Variants in USP34 observed in about 807,000 individuals in gnomAD.
USP34 encodes the protein ubiquitin specific peptidase 34.
A neutral mutation model predicts 460.3 loss-of-function variants in USP34; 70 were observed. The ratio of observed to expected loss-of-function variants is 0.15; its 90% CI spans 0.13 to 0.19. USP34 has a LOEUF of 0.19. Among genes scored for constraint, USP34 ranks in the 10% least tolerant of loss-of-function variants. The probability of loss-of-function intolerance (pLI) is 1.00; values close to 1 mark genes in which losing one functional copy is unlikely to be tolerated. For missense variants in USP34, 3,985 were observed against 4,236.2 expected (o/e 0.94, Z 1.65); for synonymous variants, 1,647 against 1,405.3 (o/e 1.17, Z -3.85).
At chr2:61,461,841 G>C (rs1288421790) in intron 1 of USP34, among the ~76,000 whole-genome samples, 1 of 152,168 alleles carries the variant, frequency 6.6e-6, no homozygotes, top group Non-Finnish European at 1.5e-5. Context: ...CAGGGATGTA[G>C]ATAAAAGATT....
At chr2:61,248,194 A>C (rs1483861711) in intron 49 of USP34, among the ~76,000 whole-genome samples, 57 of 151,268 alleles carry the variant, frequency 3.8e-4, no homozygotes, top group African/African-American at 1.3e-3. Flanking sequence ...CCAAAAAAAA[A>C]AAAAAAAAAA....
intron 1 of USP34, among the ~76,000 whole-genome samples, chr2:61,467,166 G>A (rs1051390208): frequency 6.6e-6 from 1 of 152,022 alleles, no homozygotes; most frequent in African/African-American, 2.4e-5. Flanking sequence ...AGCTGGGCAT[G>A]GTGACGTGTG....
At position 61,190,764 on chromosome 2, in the gene USP34, G is replaced by GA. The variant is rs1454846363; in HGVS notation, c.9589-107dup. 1.7e-5 allele frequency: 23 copies of GA among 1,359,394 alleles called. No individual in the cohort carries two copies. The African/African-American group carries it at 3.2e-4, about 19-fold the overall frequency. The allele number at this position is 1,359,394 out of a possible 1,614,324, so 84.2% of individuals were successfully genotyped here. ...CATACACTTGTGTATGATGGAATCT[G>GA]AAGCCACTGAAAATCCTACTTGAAA... On this transcript the variant is annotated intron_variant, in intron 76 of 79. Coordinates refer to ENST00000398571, the MANE Select transcript of USP34 (RefSeq NM_014709.4).
intron 20 of USP34, among the ~76,000 whole-genome samples, chr2:61,330,457 A>T (rs553008916): frequency 2.0e-5 from 3 of 152,328 alleles, no homozygotes; most frequent in Admixed American, 6.5e-5. Context: ...GCAGGGAAAT[A>T]AGTAAATTTA....
chr2:61,388,332 C>G (rs890614880), intron 5 of USP34, among the ~76,000 whole-genome samples: 6 of 151,710 alleles, frequency 4.0e-5, no homozygotes, highest in African/African-American at 1.5e-4. Context: ...GGATATGCAA[C>G]TAGGGGAACT....
Position 61,403,143 on chromosome 2 carries a change from C to T in USP34, c.552+2565G>A, listed in dbSNP as rs181011964. Among the ~76,000 whole-genome samples the T allele has an allele frequency of 1.3e-3, 205 of 152,126 alleles. 3 individuals carry two copies. Among genetic ancestry groups the T allele is most frequent in the Non-Finnish European group, 2.8e-4 (19 of 67,996 alleles). On this transcript the variant is annotated intron_variant, in intron 3 of 79. Transcript: ENST00000398571. ...GGGTATTTTTTGTCAGAATTTTCCT[C>T]GAAGACCTCAAAAAACCACTGCTTT...
chr2:61,324,853 T>C (rs1238538294), intron 21 of USP34, among the ~76,000 whole-genome samples: 1 of 152,202 alleles, frequency 6.6e-6, no homozygotes, highest in Non-Finnish European at 1.5e-5. Context: ...ATTACTTTAA[T>C]AAATTATCTA....
At chr2:61,250,995 G>A (rs890604686) in intron 48 of USP34, among the ~76,000 whole-genome samples, 2 of 152,048 alleles carry the variant, frequency 1.3e-5, no homozygotes, top group Non-Finnish European at 2.9e-5. Context: ...AAAATTAGCC[G>A]GGCGTGGTGG....
At position 61,227,028 on chromosome 2, in the gene USP34, C is replaced by A. The variant is rs1261920236; in HGVS notation, c.7595+39G>T. ...AACAATTATGTAAAAATAATAAAAC[C>A]AAACATGCTTTAAACATTTTAAATT... is the stretch of plus-strand genomic sequence containing the variant. On this transcript the variant is annotated intron_variant, in intron 62 of 79. Transcript: ENST00000398571. 6 of 1,547,122 alleles carry A rather than the reference C, an allele frequency of 3.9e-6. No individual in the cohort carries two copies. In the African/African-American group the frequency reaches 4.2e-5, roughly 11 times the overall value.
intron 6 of USP34, among the ~76,000 whole-genome samples, chr2:61,382,067 C>G (rs1414721566): frequency 5.3e-5 from 8 of 152,146 alleles, no homozygotes; most frequent in Admixed American, 5.2e-4. Context: ...TCAAAATCAT[C>G]ATTAACAATC....
chr2:61,236,984 T>G (rs944378078), intron 53 of USP34, among the ~76,000 whole-genome samples: 1 of 152,208 alleles, frequency 6.6e-6, no homozygotes, highest in African/African-American at 2.4e-5. Flanking sequence ...TGATTTTATT[T>G]TGGAATTTTG....
chr2:61,464,394 T>A (rs768820320), intron 1 of USP34, among the ~76,000 whole-genome samples: 5 of 152,128 alleles, frequency 3.3e-5, no homozygotes, highest in Non-Finnish European at 7.4e-5. Flanking sequence ...CTGAGTTCCA[T>A]CTCAAATTTG....
intron 49 of USP34, 75 bp downstream of exon 49, chr2:61,248,436 A>G (rs868384239): frequency 2.8e-6 from 4 of 1,442,540 alleles, no homozygotes; most frequent in Non-Finnish European, 3.7e-6. Context: ...AGTTGATGAC[A>G]ACTTTATAAT....
chr2:61,432,704 G>A (rs1004176002), intron 1 of USP34, among the ~76,000 whole-genome samples: 10 of 152,044 alleles, frequency 6.6e-5, no homozygotes, highest in African/African-American at 2.4e-4. Flanking sequence ...CTAATCCAGT[G>A]GGTGGGAGAG....
chr2:61,370,303 G>GT lies in USP34; in HGVS notation c.1251+17dup, dbSNP rs1218263781. On this transcript the variant is annotated intron_variant, in intron 10 of 79. Transcript: ENST00000398571. ...ATGATAAGCAAAGCACTCAATAAAT[G>GT]TGAGCTGTTAATATTACCTGTGCTG... 1 of 1,609,502 alleles carries GT rather than the reference G, an allele frequency of 6.2e-7. No individual in the cohort carries two copies. The highest frequency in any genetic ancestry group is 1.3e-5 in the African/African-American group (1 of 74,890).
rs76444107 is a variant in USP34 at position 61,269,552 on chromosome 2, A to C, written c.5434-3385T>G. Among the ~76,000 whole-genome samples, 1,043 of 152,166 alleles carry C rather than the reference A, an allele frequency of 6.9e-3. 8 individuals carry two copies. The highest frequency in any genetic ancestry group is 0.024 in the African/African-American group (991 of 41,522). On this transcript the variant is annotated intron_variant, in intron 41 of 79. Transcript: ENST00000398571. Reference sequence around the variant, plus strand: ...TTGTCTTTGAAAACAATAATTCAATAATTTCCTGAATGTATATTGTCTACA... The same window carrying C: ...TTGTCTTTGAAAACAATAATTCAATCATTTCCTGAATGTATATTGTCTACA...
At chr2:61,229,496 ACC>A in intron 59 of USP34, 50 bp downstream of exon 59, 22 of 1,162,292 alleles carry the variant, frequency 1.9e-5, no homozygotes, top group East Asian at 5.5e-5. Flanking sequence ...AAACAAAAAC[ACC>A]ACACACACAC....
At chr2:61,301,667 T>C (rs1031056313) in intron 27 of USP34, among the ~76,000 whole-genome samples, 6 of 152,226 alleles carry the variant, frequency 3.9e-5, no homozygotes, top group Admixed American at 6.5e-5. Context: ...TTTCCCACCA[T>C]CTTCCCTATC....
At chr2:61,352,008 T>C (rs1010451601) in intron 10 of USP34, among the ~76,000 whole-genome samples, 3 of 152,204 alleles carry the variant, frequency 2.0e-5, no homozygotes, top group African/African-American at 7.2e-5. Context: ...ATCCCCTATC[T>C]GAAATGCTTG....
Sources: allele counts gnomAD v4.1 joint callset (sites outside exome capture counted in the v4.1 genomes callset), GRCh38; gene constraint gnomAD v4.1.1; transcripts MANE v1.5; gene names NCBI Gene and HGNC (gene_info 2026-07-23, HGNC 2026-07-21).